Variants in HDHD5 observed in about 807,000 individuals in gnomAD.
HDHD5 encodes haloacid dehalogenase like hydrolase domain containing 5, also known as haloacid dehalogenase-like hydrolase domain-containing 5.
A neutral mutation model predicts 35.5 loss-of-function variants in HDHD5; 34 were observed. The observed-to-expected ratio is 0.96, with a 90% CI of 0.73 to 1.28. The LOEUF (loss-of-function observed/expected upper bound fraction) is 1.28. Ranked by LOEUF, HDHD5 falls within the 50% of genes most tolerant of loss-of-function variation. The pLI is 0.00. For missense variants in HDHD5, 589 were observed against 560.2 expected, an observed-to-expected ratio of 1.05 and a Z score of -0.52; for synonymous variants, 248 against 240.6, an observed-to-expected ratio of 1.03 and a Z score of -0.29.
At chr22:17,142,633 C>T (rs2061612040) in intron 5 of HDHD5, 1 of 154,972 alleles carries the variant, frequency 6.5e-6, no homozygotes. Flanking sequence ...CTACTACATA[C>T]TGAAATACAT....
At chr22:17,150,619 A>G (rs2061715819) in intron 1 of HDHD5, among the ~76,000 whole-genome samples, 1 of 151,708 alleles carries the variant, frequency 6.6e-6, no homozygotes, top group Non-Finnish European at 1.5e-5. Flanking sequence ...CCCACGTTCA[A>G]GTGATTCTTC....
chr22:17,164,168 C>T (rs1280455031), upstream of HDHD5, among the ~76,000 whole-genome samples: 2 of 147,386 alleles, frequency 1.4e-5, no homozygotes, highest in Non-Finnish European at 3.0e-5. Context: ...TTGCAGTGAG[C>T]TGAGACCGTG....
At chr22:17,155,436 G>A (rs1262104313) in intron 1 of HDHD5, among the ~76,000 whole-genome samples, 2 of 151,836 alleles carry the variant, frequency 1.3e-5, no homozygotes, top group Non-Finnish European at 2.9e-5. Context: ...TAGTAGAGAC[G>A]GGGTTTCACC....
chr22:17,160,175 A>G (rs1300842574), upstream of HDHD5, among the ~76,000 whole-genome samples: 1 of 152,148 alleles, frequency 6.6e-6, no homozygotes, highest in Admixed American at 6.6e-5. Flanking sequence ...ACTTAGCACT[A>G]GCAGAGAGGG....
At chr22:17,138,393 A>C (rs2061559661) in intron 7 of HDHD5, 36 bp from the exon 8 acceptor site, 4 of 1,588,938 alleles carry the variant, frequency 2.5e-6, no homozygotes, top group Non-Finnish European at 3.4e-6. Context: ...AGGAAAAAGG[A>C]GAAAAAACCC....
At chr22:17,140,387 T>C (rs544498353) in intron 6 of HDHD5, among the ~76,000 whole-genome samples, 1 of 152,252 alleles carries the variant, frequency 6.6e-6, no homozygotes, top group South Asian at 2.1e-4. Flanking sequence ...AGAAAGCCAC[T>C]TATCTGCTGG....
intron 6 of HDHD5, 57 bp from the exon 7 acceptor site, chr22:17,138,795 G>A: frequency 1.9e-6 from 3 of 1,586,688 alleles, no homozygotes; most frequent in Non-Finnish European, 2.6e-6. Context: ...CTCTTCTAGA[G>A]AACACGACTG....
chr22:17,145,086 C>T lies in HDHD5; in HGVS notation c.475G>A (p.Glu159Lys). ...LGFRNVVTVD[E>K]LRMAFPLLDM... ...AGCAGAGGAAAGGCCATCCGCAGCTCATCCACGGTGACGACATTTCGGAAG... is the reference window on the plus strand; with the variant it reads ...AGCAGAGGAAAGGCCATCCGCAGCTTATCCACGGTGACGACATTTCGGAAG... Residue 159 changes from glutamate to lysine, a missense_variant, in exon 4 of 8, where the codon GAG becomes AAG. Physicochemically the swap from Glu to Lys is moderately conservative, Grantham distance 56 (BLOSUM62 1). Coordinates refer to ENST00000336737, the MANE Select transcript of HDHD5 (RefSeq NM_033070.3). 6.2e-7 allele frequency: 1 copy of T among 1,614,018 alleles called. No homozygotes were observed. The highest frequency in any genetic ancestry group is 8.5e-7 in the Non-Finnish European group (1 of 1,180,028).
upstream of HDHD5, chr22:17,159,297 C>CG: frequency 8.2e-7 from 1 of 1,221,142 alleles, no homozygotes; most frequent in Middle Eastern, 3.1e-4. Flanking sequence ...CCCCCCCCCC[C>CG]CGCGAGTCCG....
At chr22:17,143,197 CACCTCCAGGGTGCTGGGA>C in intron 4 of HDHD5, 66 bp from the exon 5 acceptor site, 15 of 1,562,710 alleles carry the variant, frequency 9.6e-6, no homozygotes, top group Non-Finnish European at 1.3e-5. Context: ...ACCACAACCC[CACCTCCAGGGTGCTGGGA>C]GGGGAGGGGA....
chr22:17,154,719 C>T (rs943721724), intron 1 of HDHD5, among the ~76,000 whole-genome samples: 6 of 151,022 alleles, frequency 4.0e-5, no homozygotes, highest in African/African-American at 1.5e-4. Flanking sequence ...ACCTCCTGAG[C>T]TCAAAGGATC....
chr22:17,164,208 G>T (rs536804971), upstream of HDHD5, among the ~76,000 whole-genome samples: 3 of 135,468 alleles, frequency 2.2e-5, no homozygotes, highest in South Asian at 2.7e-4. Context: ...GCGACAGAGT[G>T]AGACTCCATC....
chr22:17,149,551 C>T lies in HDHD5; in HGVS notation c.321G>A (p.Leu107=). The part of the protein sequence containing the change: ...HSKAQELSAL[L]GCEVDADQVI... The stretch of plus-strand genomic sequence containing the variant: ...CTGGCTGCCTTCTCACCTCGCACCC[C>T]AGCAGGGCTGACAGCTCCTGGGCTT... Residue 107 remains leucine (L), a synonymous_variant, in exon 2 of 8, where the codon CTG becomes CTA. Transcript: ENST00000336737. 6.2e-7 allele frequency: 1 copy of T among 1,612,196 alleles called. No individual in the cohort carries two copies. Among genetic ancestry groups the T allele is most frequent in the Non-Finnish European group, 8.5e-7 (1 of 1,179,926 alleles).
chr22:17,156,993 A>G (rs1409251041), intron 1 of HDHD5, among the ~76,000 whole-genome samples: 2 of 150,770 alleles, frequency 1.3e-5, no homozygotes, highest in Non-Finnish European at 3.0e-5. Flanking sequence ...CAGGCGAATC[A>G]CTTGAACCTG....
At chr22:17,154,871 T>C (rs1396779206) in intron 1 of HDHD5, among the ~76,000 whole-genome samples, 2 of 151,804 alleles carry the variant, frequency 1.3e-5, no homozygotes, top group African/African-American at 4.8e-5. Context: ...GCTCAAGTAA[T>C]CCTTCCAACT....
At chr22:17,143,182 G>A (rs2302521) in intron 4 of HDHD5, 51 bp from the exon 5 acceptor site, 112,048 of 1,588,236 alleles carry the variant, frequency 0.071, 5,842 homozygotes, top group East Asian at 0.27. Context: ...TTCCACTCCA[G>A]GAGAACCACA....
intron 1 of HDHD5, among the ~76,000 whole-genome samples, chr22:17,152,081 A>C (rs1228182450): frequency 3.9e-5 from 6 of 152,192 alleles, no homozygotes; most frequent in African/African-American, 1.4e-4. Context: ...AGGCAGCCCC[A>C]GGACAGTCTA....
intron 1 of HDHD5, among the ~76,000 whole-genome samples, chr22:17,154,895 G>C (rs562360600): frequency 4.6e-5 from 7 of 151,838 alleles, no homozygotes; most frequent in African/African-American, 1.7e-4. Context: ...AAAGTGCTCA[G>C]ATTACAGGTG....
chr22:17,165,188 GGAAGAGGAAACGTGAGTTACCTGAGA>G lies in HDHD5; in HGVS notation c.31_36+20del, dbSNP rs2061884332. 6.5e-6 allele frequency: 5 copies of G among 774,928 alleles called. No homozygotes were observed. Among genetic ancestry groups the G allele is most frequent in the Non-Finnish European group, 1.2e-5 (5 of 414,574 alleles). 48.0% of individuals were successfully genotyped at this position (774,928 alleles called of 1,614,324 possible). ...ATACTCCTGGCCTCTCTCTACCTGGGGAAGAGGAAACGTGAGTTACCTGAGAGAAGCTGGGAAGAAAGAACCAAGCA... is the reference window on the plus strand; with the variant it reads ...ATACTCCTGGCCTCTCTCTACCTGGGGAAGCTGGGAAGAAAGAACCAAGCA... On this transcript the variant is annotated splice_donor_variant and splice_donor_5th_base_variant and coding_sequence_variant and intron_variant, in exon 1 of 8. Transcript: ENST00000155674. LOFTEE classifies it high-confidence loss of function.
Sources: gnomAD v4.1 joint callset for allele counts (sites outside exome capture counted in the v4.1 genomes callset) on GRCh38, gnomAD v4.1.1 for gene constraint, MANE v1.5 for transcripts, NCBI Gene and HGNC (gene_info 2026-07-23, HGNC 2026-07-21) for gene names.